The following SULT2B1 variants were observed in gnomAD, a reference collection of about 807,000 sequenced individuals.
The protein encoded by SULT2B1 is sulfotransferase family 2B member 1, also known as sulfotransferase 2B1.
In SULT2B1, 16 loss-of-function variants were observed where a neutral mutation model predicts 33.2. The ratio of observed to expected loss-of-function variants is 0.48; its 90% CI spans 0.33 to 0.73. The LOEUF is 0.73. Ranked by LOEUF, SULT2B1 falls within the 30% of genes least tolerant of loss-of-function variation. The probability of loss-of-function intolerance (pLI) is 0.02; values close to 1 mark genes in which losing one functional copy is unlikely to be tolerated. For synonymous variants in SULT2B1, 186 were observed against 200.5 expected (o/e 0.93, Z 0.61); for missense variants, 500 against 506.0 (o/e 0.99, Z 0.11).
rs1249488636 is a variant in SULT2B1 at position 48,587,191 on chromosome 19, T to TC, written c.215-35dup. 4.7e-6 allele frequency: 7 copies of TC among 1,492,988 alleles called. No individual in the cohort carries two copies. The Admixed American group carries it at 1.3e-4, about 27-fold the overall frequency. 92.5% of individuals were successfully genotyped at this position (1,492,988 alleles called of 1,614,324 possible). A position where few individuals can be genotyped will look rare whatever the true frequency, so the allele number is the denominator to read the frequency against. On this transcript the variant is annotated intron_variant, in intron 2 of 6. Coordinates refer to ENST00000201586, the MANE Select transcript of SULT2B1 (RefSeq NM_177973.2). Reference sequence around the variant, plus strand: ...CTGATGATATCTCCCTCTTCAGCCCTCCCACACCCAATTAATCTGCTCGAT... The same window carrying TC: ...CTGATGATATCTCCCTCTTCAGCCCTCCCCACACCCAATTAATCTGCTCGAT...
intron 3 of SULT2B1, among the ~76,000 whole-genome samples, chr19:48,588,701 G>GGT (rs1348970657): frequency 1.3e-5 from 2 of 151,926 alleles, no homozygotes; most frequent in East Asian, 3.8e-4. Context: ...GTTAGAGGTG[G>GGT]GTGTGGGGCT....
intron 1 of SULT2B1, among the ~76,000 whole-genome samples, chr19:48,569,363 CATATATATATATATATATATATATATAT>C (rs1159840741): frequency 3.0e-5 from 1 of 33,278 alleles, no homozygotes; most frequent in Non-Finnish European, 5.1e-5. Context: ...AAAAAAAAAA[CATATATATATATATATATATATATATAT>C]ATATATATGA....
chr19:48,597,359 A>G (rs1242305573), intron 6 of SULT2B1, among the ~76,000 whole-genome samples: 1 of 78,156 alleles, frequency 1.3e-5, no homozygotes, highest in South Asian at 4.2e-4. Context: ...TTTTTTTTTG[A>G]AAGAGTCTCG....
intron 6 of SULT2B1, among the ~76,000 whole-genome samples, chr19:48,597,283 T>C (rs1031164549): frequency 2.6e-5 from 4 of 151,230 alleles, no homozygotes; most frequent in Non-Finnish European, 5.9e-5. Flanking sequence ...AGTTGTTTCC[T>C]CTTCCTGCTG....
At chr19:48,598,796 G>A (rs1465142100) in intron 6 of SULT2B1, among the ~76,000 whole-genome samples, 1 of 152,082 alleles carries the variant, frequency 6.6e-6, no homozygotes, top group African/African-American at 2.4e-5. Context: ...TGGTCGCAGA[G>A]GAGGTGACAC....
rs947888111 is a variant in SULT2B1 at position 48,576,099 on chromosome 19, C to T, written c.214+16C>T. 6.0e-6 allele frequency: 9 copies of T among 1,508,346 alleles called. No individual in the cohort carries two copies. The Admixed American group carries it at 6.8e-5, about 11-fold the overall frequency. The allele number at this position is 1,508,346 out of a possible 1,614,324, so 93.4% of individuals were successfully genotyped here. On this transcript the variant is annotated intron_variant, in intron 2 of 6. Transcript: ENST00000201586. ...CCCAAGTCAGGTACCTGCCGGGCTG[C>T]GGGCGTCGGGGGCTGGGGAGAGTGG...
intron 2 of SULT2B1, among the ~76,000 whole-genome samples, chr19:48,584,997 C>T (rs1455508969): frequency 2.9e-5 from 4 of 135,772 alleles, no homozygotes; most frequent in Non-Finnish European, 6.1e-5. Context: ...TTCAGTGAGC[C>T]GAGATAGAGC....
rs111907926 is a variant in SULT2B1, at chr19:48,594,490, C to T, written c.645+1674C>T. Among the ~76,000 whole-genome samples, 938 of 152,284 alleles carry T rather than the reference C, an allele frequency of 6.2e-3. 12 individuals carry two copies. Among genetic ancestry groups the T allele is most frequent in the African/African-American group, 0.021 (880 of 41,546 alleles). On this transcript the variant is annotated intron_variant, in intron 5 of 6. Coordinates refer to ENST00000201586, the MANE Select transcript of SULT2B1 (RefSeq NM_177973.2). The stretch of plus-strand genomic sequence containing the variant: ...AGAGGTGTCGGTGCTACTCCTCCCC[C>T]TCTTTTCCAGCAAGCATTCTTCTCC...
chr19:48,570,829 T>G (rs1325297950), intron 1 of SULT2B1, among the ~76,000 whole-genome samples: 5 of 151,220 alleles, frequency 3.3e-5, no homozygotes, highest in African/African-American at 1.2e-4. Context: ...GGTTCAAGAT[T>G]CTCCTGCCTG....
At position 48,553,583 on chromosome 19, in the gene SULT2B1, GATTA is replaced by G. The variant is rs1225982943; in HGVS notation, c.71+1261_71+1264del. On this transcript the variant is annotated intron_variant, in intron 1 of 6. Transcript: ENST00000201586. ...CTGCCTCGGCCTCCCAAAGTGCTGG[GATTA>G]CAGGCGTGGGCCACCACGCCTGGCC... 5.0e-4 allele frequency among the ~76,000 whole-genome samples: 76 copies of G among 152,230 alleles called. No homozygotes were observed. In the Middle Eastern group the frequency reaches 0.01, roughly 20 times the overall value.
chr19:48,587,151 G>T, intron 2 of SULT2B1, 78 bp from the exon 3 acceptor site: 1 of 1,052,566 alleles, frequency 9.5e-7, no homozygotes. Flanking sequence ...CTCAATAAGT[G>T]CTGTTGTGAT....
rs569070829 is a variant in SULT2B1 at position 48,569,651 on chromosome 19, A to G, written c.72-6290A>G. ...AGTGTTGGGATTACAGGCATGAGCC[A>G]CCATGCCTGGCCTCAAGATTGGTTT... On this transcript the variant is annotated intron_variant, in intron 1 of 6. Coordinates refer to ENST00000201586, the MANE Select transcript of SULT2B1 (RefSeq NM_177973.2). Among the ~76,000 whole-genome samples the G allele has an allele frequency of 1.8e-3, 270 of 150,296 alleles. 2 individuals are homozygous for G. The highest frequency in any genetic ancestry group is 6.8e-3 in the Middle Eastern group (2 of 294).
chr19:48,563,348 G>A (rs1275372780), intron 1 of SULT2B1, among the ~76,000 whole-genome samples: 1 of 152,154 alleles, frequency 6.6e-6, no homozygotes, highest in African/African-American at 2.4e-5. Flanking sequence ...CACAAAGACA[G>A]GAACAACTGT....
In SULT2B1 at chr19:48,571,439, C is replaced by T. The variant is rs547999950; in HGVS notation, c.72-4502C>T. On this transcript the variant is annotated intron_variant, in intron 1 of 6. Transcript: ENST00000201586. ...CTTGAACTCCTGACCTCAGGTGATC[C>T]GCCCACCTCAGCCTCCCAAAGTGCT... is the stretch of plus-strand genomic sequence containing the variant. Among the ~76,000 whole-genome samples, 26 of 151,694 alleles carry T rather than the reference C, an allele frequency of 1.7e-4. 1 individual carries two copies. Among genetic ancestry groups the T allele is most frequent in the Admixed American group, 1.1e-3 (17 of 15,150 alleles).
intron 1 of SULT2B1, among the ~76,000 whole-genome samples, chr19:48,558,647 A>G (rs1418902863): frequency 1.3e-5 from 2 of 148,334 alleles, no homozygotes; most frequent in Non-Finnish European, 3.0e-5. Flanking sequence ...CCTGCCAGTC[A>G]TGAGGCTGCT....
chr19:48,590,524 C>T (rs1409801669), intron 3 of SULT2B1, among the ~76,000 whole-genome samples: 41 of 152,010 alleles, frequency 2.7e-4, no homozygotes, highest in Admixed American at 2.7e-3. Context: ...ATTGCTTGAA[C>T]CTGGGAGGCA....
In SULT2B1 at chr19:48,597,139, A is replaced by G. The variant is rs185396613; in HGVS notation, c.826+220A>G. Among the ~76,000 whole-genome samples the G allele has an allele frequency of 1.7e-3, 262 of 152,248 alleles. 2 individuals carry two copies. The highest frequency in any genetic ancestry group is 6.0e-3 in the African/African-American group (250 of 41,566). On this transcript the variant is annotated intron_variant, in intron 6 of 6. Coordinates refer to ENST00000201586, the MANE Select transcript of SULT2B1 (RefSeq NM_177973.2). Reference sequence around the variant, plus strand: ...CCCCATCCAGAGAACTCCCAACGACAGCAAAACATCCAGGAGTACTGCCAA... The same window carrying G: ...CCCCATCCAGAGAACTCCCAACGACGGCAAAACATCCAGGAGTACTGCCAA...
chr19:48,598,954 C>G (rs1227117454), intron 6 of SULT2B1, among the ~76,000 whole-genome samples, 181 bp from the exon 7 acceptor site: 1 of 151,908 alleles, frequency 6.6e-6, no homozygotes, highest in Non-Finnish European at 1.5e-5. Flanking sequence ...AGGTGACAGG[C>G]CAAGACTCTG....
intron 3 of SULT2B1, 89 bp downstream of exon 3, chr19:48,587,526 A>G: frequency 1.4e-6 from 2 of 1,446,706 alleles, no homozygotes; most frequent in Non-Finnish European, 1.9e-6. Flanking sequence ...TGATTCATTC[A>G]GCACCTATTT....
Sources: allele counts gnomAD v4.1 joint callset (sites outside exome capture counted in the v4.1 genomes callset), GRCh38; gene constraint gnomAD v4.1.1; transcripts MANE v1.5; gene names NCBI Gene and HGNC (gene_info 2026-07-23, HGNC 2026-07-21).